The following WWOX variants were observed in gnomAD, a reference collection of about 807,000 sequenced individuals.
WWOX encodes the protein WW domain containing oxidoreductase, also known as WW domain-containing oxidoreductase.
WWOX carries 69 observed loss-of-function variants against 46.2 expected under a neutral mutation model. The observed-to-expected ratio is 1.49, with a 90% CI of 1.23 to 1.82. The LOEUF (loss-of-function observed/expected upper bound fraction) is 1.82. Ranked by LOEUF, WWOX falls within the 40% of genes most tolerant of loss-of-function variation. WWOX has a pLI of 0.00. For synonymous variants in WWOX, 359 were observed against 202.6 expected (o/e 1.77, Z -6.56); for missense variants, 919 against 542.6 (o/e 1.69, Z -6.89).
At chr16:78,308,024 A>C (rs768328831) in intron 5 of WWOX, among the ~76,000 whole-genome samples, 10 of 152,158 alleles carry the variant, frequency 6.6e-5, no homozygotes, top group Non-Finnish European at 1.3e-4. Context: ...TTGAATCTGC[A>C]GTAGTTGAGT....
chr16:78,489,926 A>T (rs1287123667), intron 8 of WWOX, among the ~76,000 whole-genome samples: 1 of 152,112 alleles, frequency 6.6e-6, no homozygotes, highest in Non-Finnish European at 1.5e-5. Context: ...TTTATATTCC[A>T]CTGGGGTAAG....
At chr16:78,366,465 C>T (rs1231775078) in intron 5 of WWOX, among the ~76,000 whole-genome samples, 1 of 152,142 alleles carries the variant, frequency 6.6e-6, no homozygotes, top group Non-Finnish European at 1.5e-5. Context: ...CCTTTCTTCT[C>T]CTGCATTCAT....
At chr16:78,533,559 G>C (rs2043682948) in intron 8 of WWOX, among the ~76,000 whole-genome samples, 1 of 152,172 alleles carries the variant, frequency 6.6e-6, no homozygotes, top group East Asian at 1.9e-4. Flanking sequence ...TTCAAGAGGG[G>C]CTTGAGCATT....
At chr16:79,193,395 A>G (rs1179939309) in intron 8 of WWOX, among the ~76,000 whole-genome samples, 2 of 152,308 alleles carry the variant, frequency 1.3e-5, no homozygotes, top group Middle Eastern at 3.4e-3. Flanking sequence ...AACTGCTTTT[A>G]TTCTTTATGC....
In WWOX at chr16:78,818,307, C is replaced by A. The variant is rs571305962; in HGVS notation, c.1056+385555C>A. ...TGTGGACAAGTTCCAGCTCCTGCCC[C>A]AGCCCTGCCACACCATCACCCTCTC... is the stretch of plus-strand genomic sequence containing the variant. On this transcript the variant is annotated intron_variant, in intron 8 of 8. Transcript: ENST00000566780. 2.0e-5 allele frequency among the ~76,000 whole-genome samples: 3 copies of A among 152,294 alleles called. No homozygotes were observed. In the South Asian group the frequency reaches 6.2e-4, roughly 32 times the overall value.
At chr16:78,977,619 G>C (rs2046598698) in intron 8 of WWOX, among the ~76,000 whole-genome samples, 1 of 152,142 alleles carries the variant, frequency 6.6e-6, no homozygotes, top group Admixed American at 6.5e-5. Flanking sequence ...GGGGAGAGGA[G>C]ATAGAAGAAG....
chr16:78,669,585 C>G (rs142099460), intron 8 of WWOX, among the ~76,000 whole-genome samples: 1 of 152,192 alleles, frequency 6.6e-6, no homozygotes, highest in Non-Finnish European at 1.5e-5. Flanking sequence ...GGTTGAGAAA[C>G]GTGACCTAGC....
rs1312588070 is a variant in WWOX at position 78,259,574 on chromosome 16, T to C, written c.516+95285T>C. ...CTCAAGTGATCCACCCACCTTGGCTTCCCAAAGTGCTGGGATTACAGGCAT... is the reference window on the plus strand; with the variant it reads ...CTCAAGTGATCCACCCACCTTGGCTCCCCAAAGTGCTGGGATTACAGGCAT... On this transcript the variant is annotated intron_variant, in intron 5 of 8. Coordinates refer to ENST00000566780, the MANE Select transcript of WWOX (RefSeq NM_016373.4). Among the ~76,000 whole-genome samples the C allele has an allele frequency of 2.6e-5, 4 of 151,642 alleles. 1 individual carries two copies. The highest frequency in any genetic ancestry group is 9.7e-5 in the African/African-American group (4 of 41,164).
intron 6 of WWOX, among the ~76,000 whole-genome samples, chr16:78,414,806 G>A (rs915593754): frequency 2.0e-5 from 3 of 152,062 alleles, no homozygotes; most frequent in Non-Finnish European, 4.4e-5. Flanking sequence ...AACTATAAAC[G>A]AAATTTCTCC....
intron 8 of WWOX, among the ~76,000 whole-genome samples, chr16:78,936,964 A>C (rs762654411): frequency 4.6e-5 from 7 of 152,202 alleles, no homozygotes; most frequent in Admixed American, 1.3e-4. Flanking sequence ...AAAGCATATT[A>C]ATCCATTAGT....
At chr16:78,615,040 A>G (rs2045988002) in intron 8 of WWOX, among the ~76,000 whole-genome samples, 1 of 152,172 alleles carries the variant, frequency 6.6e-6, no homozygotes, top group Admixed American at 6.5e-5. Flanking sequence ...GGGCTAATGC[A>G]TTGTCAATTC....
At chr16:78,752,476 C>G (rs543376682) in intron 8 of WWOX, among the ~76,000 whole-genome samples, 1 of 152,102 alleles carries the variant, frequency 6.6e-6, no homozygotes, top group Non-Finnish European at 1.5e-5. Context: ...TTAGTAGACA[C>G]GGGATTTCGC....
At chr16:78,851,923 G>C (rs568389901) in intron 8 of WWOX, among the ~76,000 whole-genome samples, 166 of 152,192 alleles carry the variant, frequency 1.1e-3, no homozygotes, top group Non-Finnish European at 1.9e-3. Flanking sequence ...CCCATCTTCA[G>C]CATCATTGCT....
Position 78,234,796 on chromosome 16 carries a change from A to AAAC in WWOX, c.516+70513_516+70515dup, listed in dbSNP as rs1339691189. On this transcript the variant is annotated intron_variant, in intron 5 of 8. Transcript: ENST00000566780. Reference sequence around the variant, plus strand: ...TAAAACAAAACAAAACAAAACAAAAAAACAACAAAAAAAAACCCACACAGG... The same window carrying AAAC: ...TAAAACAAAACAAAACAAAACAAAAAAACAACAACAAAAAAAAACCCACACAGG... Among the ~76,000 whole-genome samples, 15 of 44,332 alleles carry AAAC rather than the reference A, an allele frequency of 3.4e-4. No homozygotes were observed. The South Asian group carries it at 4.4e-3, about 13-fold the overall frequency. 29.1% of individuals were successfully genotyped at this position (44,332 alleles called of 152,430 possible). A position where few individuals can be genotyped will look rare whatever the true frequency, so the allele number is the denominator to read the frequency against.
At chr16:78,798,304 C>A (rs1251855105) in intron 8 of WWOX, among the ~76,000 whole-genome samples, 6 of 151,368 alleles carry the variant, frequency 4.0e-5, no homozygotes, top group African/African-American at 1.5e-4. Context: ...TGACGCTTTT[C>A]AAGAGAGAGA....
chr16:78,754,596 G>T (rs1330499911), intron 8 of WWOX, among the ~76,000 whole-genome samples: 1 of 152,004 alleles, frequency 6.6e-6, no homozygotes, highest in Admixed American at 6.6e-5. Flanking sequence ...TCAACCAGTT[G>T]CAGTCTTTGG....
At chr16:78,514,405 C>G (rs2085438623) in intron 8 of WWOX, among the ~76,000 whole-genome samples, 1 of 152,184 alleles carries the variant, frequency 6.6e-6, no homozygotes, top group African/African-American at 2.4e-5. Context: ...GGCAGGTTTT[C>G]ACTATTAGTT....
intron 4 of WWOX, among the ~76,000 whole-genome samples, chr16:78,160,828 A>G (rs547232459): frequency 6.6e-6 from 1 of 152,338 alleles, no homozygotes; most frequent in South Asian, 2.1e-4. Context: ...AGTCTTCTAT[A>G]TACTTTGTGT....
chr16:78,366,628 A>G (rs72794099), intron 5 of WWOX, among the ~76,000 whole-genome samples: 8,067 of 152,294 alleles, frequency 0.053, 283 homozygotes, highest in East Asian at 0.12. Flanking sequence ...ACAGAGGAAT[A>G]CCAGTTAATT....
Sources: allele counts gnomAD v4.1 joint callset (sites outside exome capture counted in the v4.1 genomes callset), GRCh38; gene constraint gnomAD v4.1.1; transcripts MANE v1.5; gene names NCBI Gene and HGNC (gene_info 2026-07-23, HGNC 2026-07-21).